The following AOPEP variants were observed in gnomAD, a reference collection of about 807,000 sequenced individuals.
AOPEP encodes aminopeptidase O.
AOPEP carries 77 observed loss-of-function variants against 98.1 expected under a neutral mutation model. The ratio of observed to expected loss-of-function variants is 0.78; its 90% CI spans 0.65 to 0.95. The LOEUF (loss-of-function observed/expected upper bound fraction) is 0.95, where lower values mean the gene tolerates loss of function less well. Among genes scored for constraint, AOPEP ranks in the 40% least tolerant of loss-of-function variants. The probability of loss-of-function intolerance (pLI) is 0.00; values close to 1 mark genes in which losing one functional copy is unlikely to be tolerated. For synonymous variants in AOPEP, 346 were observed against 365.3 expected, an observed-to-expected ratio of 0.95 and a Z score of 0.60; for missense variants, 1,024 against 1,024.7, an observed-to-expected ratio of 1.00 and a Z score of 0.01.
chr9:95,115,396 G>A, the AOPEP span, among the ~76,000 whole-genome samples: 1 of 152,164 alleles, frequency 6.6e-6, no homozygotes, highest in Non-Finnish European at 1.5e-5. Flanking sequence ...CAAAATAGAC[G>A]GAGACTGTAG....
rs992971301 is a variant in AOPEP, at chr9:95,076,536, C to G, written c.2233-4158C>G. 9.2e-5 allele frequency among the ~76,000 whole-genome samples: 14 copies of G among 152,316 alleles called. No homozygotes were observed. The East Asian group carries it at 9.6e-4, about 10-fold the overall frequency. ...AAGGAATGGGGAATCTCTTCCTGCA[C>G]TCATGGGAATCGTAAGTCAAGATAT... On this transcript the variant is annotated intron_variant, in intron 14 of 16. Transcript: ENST00000375315.
At chr9:94,775,015 CAA>C (rs1841769101) in intron 3 of AOPEP, among the ~76,000 whole-genome samples, 1 of 151,804 alleles carries the variant, frequency 6.6e-6, no homozygotes, top group African/African-American at 2.4e-5. Flanking sequence ...TCTTATTTTT[CAA>C]TTTTATTGGC....
chr9:94,909,296 G>C (rs981400716), intron 5 of AOPEP, among the ~76,000 whole-genome samples: 22 of 142,114 alleles, frequency 1.5e-4, no homozygotes, highest in Non-Finnish European at 2.7e-4. Context: ...CTTTCCGCCA[G>C]GCTTTTTTCA....
At chr9:94,755,162 A>G (rs1256858098) in intron 1 of AOPEP, among the ~76,000 whole-genome samples, 1 of 152,130 alleles carries the variant, frequency 6.6e-6, no homozygotes, top group Admixed American at 6.6e-5. Context: ...GGTTTTTATA[A>G]GGGGGGACCT....
At chr9:95,048,124 G>C (rs894706449) in intron 13 of AOPEP, among the ~76,000 whole-genome samples, 7 of 151,550 alleles carry the variant, frequency 4.6e-5, no homozygotes, top group African/African-American at 1.7e-4. Flanking sequence ...GTATTTATTG[G>C]TAAGTTTTTT....
the AOPEP span, chr9:95,114,234 T>G: frequency 6.2e-6 from 2 of 320,974 alleles, no homozygotes; most frequent in East Asian, 1.5e-4. Context: ...CCTAGAGAGG[T>G]AGAGGGAAGA....
At chr9:94,880,476 C>A (rs2047453186) in intron 5 of AOPEP, among the ~76,000 whole-genome samples, 1 of 151,550 alleles carries the variant, frequency 6.6e-6, no homozygotes, top group African/African-American at 2.4e-5. Flanking sequence ...AACCCATCCT[C>A]CCACCTCAGC....
intron 1 of AOPEP, among the ~76,000 whole-genome samples, chr9:94,751,924 G>A (rs1034183231): frequency 2.2e-5 from 3 of 137,022 alleles, no homozygotes; most frequent in Non-Finnish European, 3.0e-5. Context: ...AAAGGGTCTC[G>A]CTGTGTTGCT....
chr9:94,765,830 T>C (rs544530370), intron 2 of AOPEP, among the ~76,000 whole-genome samples: 1 of 152,342 alleles, frequency 6.6e-6, no homozygotes, highest in Admixed American at 6.5e-5. Context: ...TTTCCTACCT[T>C]AGTTTAGCCA....
chr9:95,000,767 T>TA (rs1369950726), intron 11 of AOPEP, among the ~76,000 whole-genome samples: 1 of 152,212 alleles, frequency 6.6e-6, no homozygotes, highest in Non-Finnish European at 1.5e-5. Context: ...ATTTTGCTCC[T>TA]AATCCCTCTG....
intron 3 of AOPEP, among the ~76,000 whole-genome samples, chr9:94,792,265 C>G (rs904552966): frequency 6.6e-6 from 1 of 152,216 alleles, no homozygotes; most frequent in African/African-American, 2.4e-5. Flanking sequence ...AAGTGTCTCC[C>G]TTCCCTAGTC....
At chr9:94,938,158 C>T (rs981805568) in intron 7 of AOPEP, among the ~76,000 whole-genome samples, 1 of 152,204 alleles carries the variant, frequency 6.6e-6, no homozygotes, top group African/African-American at 2.4e-5. Flanking sequence ...CAGGCGTGAG[C>T]GACCGCGCCC....
intron 13 of AOPEP, among the ~76,000 whole-genome samples, chr9:95,037,509 G>T (rs1322144357): frequency 6.6e-6 from 1 of 152,176 alleles, no homozygotes; most frequent in Admixed American, 6.5e-5. Context: ...GTCTTTTCCA[G>T]GAAGTTTAAC....
chr9:95,144,453 G>A, the AOPEP span, among the ~76,000 whole-genome samples: 1 of 152,348 alleles, frequency 6.6e-6, no homozygotes, highest in South Asian at 2.1e-4. Flanking sequence ...TGCTTGGGGA[G>A]CCGCTGCCCT....
At chr9:95,134,092 T>A in the AOPEP span, among the ~76,000 whole-genome samples, 1 of 152,150 alleles carries the variant, frequency 6.6e-6, no homozygotes, top group Non-Finnish European at 1.5e-5. Flanking sequence ...GTGTGCAGCC[T>A]GAGGTACAGG....
intron 11 of AOPEP, among the ~76,000 whole-genome samples, chr9:95,000,446 G>T (rs920606881): frequency 1.8e-4 from 27 of 152,140 alleles, no homozygotes; most frequent in Admixed American, 1.6e-3. Flanking sequence ...GGTGGCTCAC[G>T]TCTGTAATCT....
intron 10 of AOPEP, among the ~76,000 whole-genome samples, chr9:94,975,058 C>T (rs10993426): frequency 0.085 from 12,918 of 151,968 alleles, 1,419 homozygotes; most frequent in African/African-American, 0.25. Flanking sequence ...AGTGAGACCC[C>T]GTCTCTATAA....
At position 94,928,403 on chromosome 9, in the gene AOPEP, CTG is replaced by C. The variant is rs2054720143; in HGVS notation, c.1555-16_1555-15del. 9.9e-6 allele frequency: 15 copies of C among 1,512,828 alleles called. No homozygotes were observed. Among genetic ancestry groups the C allele is most frequent in the African/African-American group, 2.8e-5 (2 of 72,578 alleles). The allele number at this position is 1,512,828 out of a possible 1,614,324, so 93.7% of individuals were successfully genotyped here. A position where few individuals can be genotyped will look rare whatever the true frequency, so the allele number is the denominator to read the frequency against. ...GTGACTGTGTTTTGTGCATGTGTGT[CTG>C]TGTGTCTGTGGCTGAGCAGCTGGCC... On this transcript the variant is annotated intron_variant, in intron 6 of 16. Coordinates refer to ENST00000375315, the MANE Select transcript of AOPEP (RefSeq NM_001193329.3).
rs1006664382 is a variant in AOPEP at position 94,980,839 on chromosome 9, G to A, written c.1977+1412G>A. Among the ~76,000 whole-genome samples, 1 of 152,234 alleles carries A rather than the reference G, an allele frequency of 6.6e-6. No individual in the cohort carries two copies. Among genetic ancestry groups the A allele is most frequent in the African/African-American group, 2.4e-5 (1 of 41,470 alleles). On this transcript the variant is annotated intron_variant, in intron 11 of 16. Transcript: ENST00000375315. The surrounding 1 kb of genome is among the most constrained non-coding windows in gnomAD (Gnocchi z 4.3). ...ACTACTCACTGAGGACAAACATCCA[G>A]GAAAAACAAGTTAAGGTTTGTCTAG...
Sources: gnomAD v4.1 joint callset for allele counts (sites outside exome capture counted in the v4.1 genomes callset) on GRCh38, gnomAD v4.1.1 for gene constraint, Gnocchi (gnomAD v3.1) non-coding constraint, MANE v1.5 for transcripts, NCBI Gene and HGNC (gene_info 2026-07-23, HGNC 2026-07-21) for gene names.